SPTAN1: variants seen among roughly 807,000 people sequenced by gnomAD.
The protein encoded by SPTAN1 is spectrin alpha chain, non-erythrocytic 1.
Under a neutral mutation model 331.3 loss-of-function variants are expected in SPTAN1, and 61 were observed. The observed-to-expected ratio is 0.18, with a 90% CI of 0.15 to 0.23. SPTAN1 has a LOEUF of 0.23. SPTAN1 is among the 10% of genes least tolerant of loss of function. The pLI is 1.00. For synonymous variants in SPTAN1, 1,153 were observed against 1,173.9 expected, an observed-to-expected ratio of 0.98 and a Z score of 0.36; for missense variants, 2,043 against 3,147.9, an observed-to-expected ratio of 0.65 and a Z score of 8.40.
chr9:128,601,011 T>A (rs1278749084), intron 27 of SPTAN1, among the ~76,000 whole-genome samples: 1 of 125,176 alleles, frequency 8.0e-6, no homozygotes, highest in Non-Finnish European at 1.7e-5. Flanking sequence ...TGAGACGGAG[T>A]CTCGCTCTGT....
In SPTAN1 at chr9:128,609,303, G is replaced by T; in HGVS notation, c.4758+19G>T. 6.2e-7 allele frequency: 1 copy of T among 1,614,194 alleles called. No individual in the cohort carries two copies. Among genetic ancestry groups the T allele is most frequent in the Non-Finnish European group, 8.5e-7 (1 of 1,180,032 alleles). Reference sequence around the variant, plus strand: ...CATCCAGGTAAGCTGAAGTGACTGGGTGTTGGTCTTGATGTAGCCTTATGT... The same window carrying T: ...CATCCAGGTAAGCTGAAGTGACTGGTTGTTGGTCTTGATGTAGCCTTATGT... On this transcript the variant is annotated intron_variant, in intron 36 of 56. Transcript: ENST00000372739.
intron 24 of SPTAN1, chr9:128,596,167 T>G (rs1215969526): frequency 1.3e-5 from 2 of 151,294 alleles, no homozygotes; most frequent in African/African-American, 4.9e-5. Context: ...AGGTTCATCC[T>G]TTTTGTAGCA....
Position 128,627,302 on chromosome 9 carries a change from C to G in SPTAN1, c.6577-84C>G. ...GGGGAGGTTCCTTGTGGGGAGGCCACCACCACCCTGAGCCCATCTGTGAAG... is the reference window on the plus strand; with the variant it reads ...GGGGAGGTTCCTTGTGGGGAGGCCAGCACCACCCTGAGCCCATCTGTGAAG... On this transcript the variant is annotated intron_variant, in intron 49 of 56. Coordinates refer to ENST00000372739, the MANE Select transcript of SPTAN1 (RefSeq NM_001130438.3). This position sits in a 1 kb window ranked among gnomAD's most constrained non-coding sequence, Gnocchi z 4.9. 7.7e-7 allele frequency: 1 copy of G among 1,294,830 alleles called. No homozygotes were observed. Among genetic ancestry groups the G allele is most frequent in the Non-Finnish European group, 1.1e-6 (1 of 920,678 alleles). The allele number at this position is 1,294,830 out of a possible 1,614,324, so 80.2% of individuals were successfully genotyped here.
chr9:128,599,090 C>A, intron 26 of SPTAN1, 104 bp downstream of exon 26: 1 of 1,069,788 alleles, frequency 9.3e-7, no homozygotes, highest in Non-Finnish European at 1.5e-6. Context: ...TGTTCCTGAA[C>A]CTCAGATGCC....
At position 128,607,932 on chromosome 9, in the gene SPTAN1, A is replaced by G. The variant is rs1375431062; in HGVS notation, c.4227A>G (p.Gly1409=). The change falls in exon 33 of 57, where the codon GGA becomes GGG. Residue 1409 remains glycine (G), a synonymous_variant. Coordinates refer to ENST00000372739, the MANE Select transcript of SPTAN1 (RefSeq NM_001130438.3). Reference sequence around the variant, plus strand: ...TTGGACAGCAGCTGTTGGCTCACGGACACTATGCCAGCCCTGAGATCAAGC... The same window carrying G: ...TTGGACAGCAGCTGTTGGCTCACGGGCACTATGCCAGCCCTGAGATCAAGC... ...EQFGQQLLAH[G]HYASPEIKQK... 6.2e-7 allele frequency: 1 copy of G among 1,614,046 alleles called. No individual in the cohort carries two copies. The highest frequency in any genetic ancestry group is 8.5e-7 in the Non-Finnish European group (1 of 1,180,018).
intron 2 of SPTAN1, 46 bp from the exon 3 acceptor site, chr9:128,568,726 A>T (rs1215005852): frequency 1.2e-6 from 2 of 1,612,408 alleles, no homozygotes; most frequent in South Asian, 2.2e-5. Flanking sequence ...CAAAATGCTG[A>T]TGCTGTGTGG....
In SPTAN1 at chr9:128,581,900, C is replaced by T. The variant is rs2131109494; in HGVS notation, c.1572+8C>T. On this transcript the variant is annotated splice_region_variant and intron_variant, in intron 12 of 56. Transcript: ENST00000372739. ...CAGGAGGAAAAGATTACAGTAAGACCCCTTCTTGTCAGTGCTTTCAAATGA... is the reference window on the plus strand; with the variant it reads ...CAGGAGGAAAAGATTACAGTAAGACTCCTTCTTGTCAGTGCTTTCAAATGA... 6.3e-7 allele frequency: 1 copy of T among 1,582,448 alleles called. No homozygotes were observed. The highest frequency in any genetic ancestry group is 8.7e-7 in the Non-Finnish European group (1 of 1,151,484).
chr9:128,571,145 T>G (rs1198878741), intron 3 of SPTAN1, among the ~76,000 whole-genome samples: 1 of 151,792 alleles, frequency 6.6e-6, no homozygotes, highest in African/African-American at 2.4e-5. Flanking sequence ...TAAAAATTAG[T>G]GGGGCGTGGT....
chr9:128,590,903 G>A lies in SPTAN1; in HGVS notation c.3007-574G>A, dbSNP rs114715558. Among the ~76,000 whole-genome samples the A allele has an allele frequency of 3.2e-3, 494 of 152,202 alleles. 3 individuals are homozygous for A. Among genetic ancestry groups the A allele is most frequent in the African/African-American group, 0.011 (462 of 41,532 alleles). ...AGTTAAGTGGGCACATGTGACTGGT[G>A]GCTACAGTGTTAGCACAGCTCTGGA... On this transcript the variant is annotated intron_variant, in intron 21 of 56. Coordinates refer to ENST00000372739, the MANE Select transcript of SPTAN1 (RefSeq NM_001130438.3).
chr9:128,611,393 C>T (rs1223909848), intron 37 of SPTAN1, among the ~76,000 whole-genome samples: 3 of 151,960 alleles, frequency 2.0e-5, no homozygotes, highest in Admixed American at 6.6e-5. Flanking sequence ...TTGCTTGAGC[C>T]GAAGAGGTTG....
intron 41 of SPTAN1, among the ~76,000 whole-genome samples, chr9:128,616,871 T>A (rs1452038462): frequency 1.3e-5 from 2 of 151,148 alleles, no homozygotes; most frequent in Non-Finnish European, 3.0e-5. Flanking sequence ...AGTGGAGATT[T>A]CAGTGAGCCA....
chr9:128,565,274 C>G (rs377443767), intron 1 of SPTAN1, among the ~76,000 whole-genome samples: 5 of 152,166 alleles, frequency 3.3e-5, no homozygotes, highest in African/African-American at 9.7e-5. Flanking sequence ...GCACTCCAGC[C>G]TGGTGACTGA....
chr9:128,625,529 A>G lies in SPTAN1; in HGVS notation c.6070-240A>G, dbSNP rs570426240. On this transcript the variant is annotated intron_variant, in intron 47 of 56. Coordinates refer to ENST00000372739, the MANE Select transcript of SPTAN1 (RefSeq NM_001130438.3). This position sits in a 1 kb window ranked among gnomAD's most constrained non-coding sequence, Gnocchi z 4.1. Reference sequence around the variant, plus strand: ...GGCGAGTGTTCTGGGCAGAGCTGGCAGGGATCCCTGGGGCGGGAGAGCGGA... The same window carrying G: ...GGCGAGTGTTCTGGGCAGAGCTGGCGGGGATCCCTGGGGCGGGAGAGCGGA... 6.6e-5 allele frequency among the ~76,000 whole-genome samples: 10 copies of G among 152,284 alleles called. No homozygotes were observed. The East Asian group carries it at 1.4e-3, about 21-fold the overall frequency.
intron 24 of SPTAN1, among the ~76,000 whole-genome samples, chr9:128,596,891 G>GGC (rs1854373197): frequency 6.6e-6 from 1 of 152,146 alleles, no homozygotes; most frequent in Non-Finnish European, 1.5e-5. Flanking sequence ...CGGGCCCAGT[G>GGC]GCGCATGCCT....
chr9:128,630,328 A>G lies in SPTAN1; in HGVS notation c.6715A>G (p.Met2239Val). The G allele has an allele frequency of 1.9e-6, 3 of 1,613,362 alleles. No individual in the cohort carries two copies. Among genetic ancestry groups the G allele is most frequent in the Non-Finnish European group, 1.7e-6 (2 of 1,179,952 alleles). Reference sequence around the variant, plus strand: ...CTGTCCTTCCACGTTTAGGTCCTGTATGGTGGAAGAGTCGGGGACCCTCGA... The same window carrying G: ...CTGTCCTTCCACGTTTAGGTCCTGTGTGGTGGAAGAGTCGGGGACCCTCGA... The part of the protein sequence containing the change: ...TRTYLLDGSC[M>V]VEESGTLESQ... The change falls in exon 52 of 57, where the codon ATG becomes GTG. Residue 2239 changes from methionine (M) to valine (V), a missense_variant. Met to Val is a conservative substitution (Grantham distance 21). Coordinates refer to ENST00000372739, the MANE Select transcript of SPTAN1 (RefSeq NM_001130438.3).
intron 1 of SPTAN1, among the ~76,000 whole-genome samples, chr9:128,565,722 A>G (rs1849953172): frequency 6.6e-6 from 1 of 152,238 alleles, no homozygotes; most frequent in African/African-American, 2.4e-5. Flanking sequence ...GATAGACGAC[A>G]GGATAAAGGA....
In SPTAN1 at chr9:128,575,324, G is replaced by A. The variant is rs1851179826; in HGVS notation, c.630G>A (p.Gln210=). 1 of 1,612,998 alleles carries A rather than the reference G, an allele frequency of 6.2e-7. No individual in the cohort carries two copies. Among genetic ancestry groups the A allele is most frequent in the East Asian group, 2.2e-5 (1 of 44,884 alleles). ...AAGAAAGAGTTAATGAAGTGAACCA[G>A]TTTGCTGCCAAACTCATACAGGTAA... ...AHEERVNEVN[Q]FAAKLIQEQH... The change falls in exon 5 of 57, where the codon CAG becomes CAA. Residue 210 remains glutamine (Q), a synonymous_variant. Transcript: ENST00000372739.
intron 23 of SPTAN1, chr9:128,593,958 G>A (rs1179337495): frequency 1.7e-6 from 1 of 582,574 alleles, no homozygotes; most frequent in Non-Finnish European, 3.2e-6. Context: ...CTAGCCACCT[G>A]GTTGTGAACA....
intron 29 of SPTAN1, 47 bp from the exon 30 acceptor site, chr9:128,604,987 G>T (rs199660054): frequency 1.6e-5 from 25 of 1,610,254 alleles, no homozygotes; most frequent in Non-Finnish European, 2.0e-5. Flanking sequence ...CTGTAATCAA[G>T]GCAGTTGTAC....
Sources: gnomAD v4.1 joint callset for allele counts (sites outside exome capture counted in the v4.1 genomes callset) on GRCh38, gnomAD v4.1.1 for gene constraint, Gnocchi (gnomAD v3.1) non-coding constraint, MANE v1.5 for transcripts, NCBI Gene and HGNC (gene_info 2026-07-23, HGNC 2026-07-21) for gene names.